TMPRSS15: variants seen among roughly 807,000 people sequenced by gnomAD.
TMPRSS15 encodes transmembrane serine protease 15, also known as enteropeptidase.
TMPRSS15 carries 128 observed loss-of-function variants against 125.3 expected under a neutral mutation model. That is an observed-to-expected ratio of 1.02 (90% CI 0.89 to 1.18). The LOEUF (loss-of-function observed/expected upper bound fraction) is 1.18, where lower values mean the gene tolerates loss of function less well. Among genes scored for constraint, TMPRSS15 ranks in the 50% most tolerant of loss-of-function variants. TMPRSS15 has a pLI of 0.00. For missense variants in TMPRSS15, 1,283 were observed against 1,212.7 expected (o/e 1.06, Z -0.86); for synonymous variants, 446 against 423.2 (o/e 1.05, Z -0.66).
rs181812212 is a variant in TMPRSS15 at position 18,280,720 on chromosome 21, C to T, written c.2668+320G>A. Among the ~76,000 whole-genome samples, 6 of 152,096 alleles carry T rather than the reference C, an allele frequency of 3.9e-5. No individual in the cohort carries two copies. The East Asian group carries it at 1.2e-3, about 29-fold the overall frequency. On this transcript the variant is annotated intron_variant, in intron 22 of 24. Transcript: ENST00000284885. ...TCTGCTTTTTGGTAGATGAACCTAC[C>T]TTTCTTTTACATGAAAAATAGAGAG...
At chr21:18,309,102 A>C (rs2075067605) in intron 18 of TMPRSS15, among the ~76,000 whole-genome samples, 1 of 152,180 alleles carries the variant, frequency 6.6e-6, no homozygotes, top group South Asian at 2.1e-4. Flanking sequence ...CTTTGGGTAT[A>C]TACCCAGTAA....
intron 1 of TMPRSS15, among the ~76,000 whole-genome samples, chr21:18,473,243 TG>T (rs1978814584): frequency 6.6e-6 from 1 of 152,104 alleles, no homozygotes; most frequent in Admixed American, 6.6e-5. Context: ...GGGAGGTCAT[TG>T]GCCAAAGGGA....
At chr21:18,298,935 A>G (rs1375153353) in intron 18 of TMPRSS15, among the ~76,000 whole-genome samples, 1 of 152,216 alleles carries the variant, frequency 6.6e-6, no homozygotes, top group Non-Finnish European at 1.5e-5. Context: ...CTCTCTTTTA[A>G]TGTTTTCATC....
At chr21:18,357,607 G>T (rs542275592) in intron 8 of TMPRSS15, among the ~76,000 whole-genome samples, 40 of 151,850 alleles carry the variant, frequency 2.6e-4, no homozygotes, top group African/African-American at 9.4e-4. Context: ...AACCTTGTAA[G>T]CATCTTTCAC....
chr21:18,444,894 C>G (rs1033063892), intron 1 of TMPRSS15, among the ~76,000 whole-genome samples: 1 of 152,174 alleles, frequency 6.6e-6, no homozygotes, highest in Non-Finnish European at 1.5e-5. Flanking sequence ...CTATTCTACT[C>G]TCTCCCTCCA....
chr21:18,436,278 A>G (rs954597126), intron 1 of TMPRSS15, among the ~76,000 whole-genome samples: 2 of 151,652 alleles, frequency 1.3e-5, no homozygotes, highest in African/African-American at 2.4e-5. Flanking sequence ...TAGTGCTATA[A>G]ATTTCCCTCT....
At chr21:18,339,689 GT>G (rs10716082) in intron 13 of TMPRSS15, among the ~76,000 whole-genome samples, 13,836 of 151,732 alleles carry the variant, frequency 0.091, 761 homozygotes, top group South Asian at 0.18. Context: ...AAAAAGCATT[GT>G]TTTTTTTGCA....
intron 14 of TMPRSS15, among the ~76,000 whole-genome samples, chr21:18,331,526 G>C (rs2075345549): frequency 6.6e-6 from 1 of 152,146 alleles, no homozygotes; most frequent in African/African-American, 2.4e-5. Flanking sequence ...ATTTTCTCTA[G>C]ACAAATTTTT....
chr21:18,466,054 C>A (rs932090907), intron 1 of TMPRSS15, among the ~76,000 whole-genome samples: 2 of 152,018 alleles, frequency 1.3e-5, no homozygotes, highest in Non-Finnish European at 2.9e-5. Context: ...GTACTGGTAC[C>A]AAAACAGATA....
chr21:18,343,460 C>T (rs755060748), intron 12 of TMPRSS15, 46 bp downstream of exon 12: 54 of 1,489,668 alleles, frequency 3.6e-5, no homozygotes, highest in South Asian at 1.1e-4. Context: ...ATAATTGTTC[C>T]ACCACAAAAA....
intron 14 of TMPRSS15, among the ~76,000 whole-genome samples, chr21:18,329,996 G>A (rs1162772057): frequency 2.0e-5 from 3 of 151,700 alleles, no homozygotes; most frequent in Non-Finnish European, 1.5e-5. Flanking sequence ...ACTGTATATG[G>A]CTGTACATAT....
chr21:18,343,495 A>G lies in TMPRSS15; in HGVS notation c.1428+11T>C. ...AGGATACAAATATAAATAATAAAGTATTTTGCAAACCTTAAATTTAACTGT... is the reference window on the plus strand; with the variant it reads ...AGGATACAAATATAAATAATAAAGTGTTTTGCAAACCTTAAATTTAACTGT... On this transcript the variant is annotated intron_variant, in intron 12 of 24. Coordinates refer to ENST00000284885, the MANE Select transcript of TMPRSS15 (RefSeq NM_002772.3). The G allele has an allele frequency of 6.3e-7, 1 of 1,592,912 alleles. No homozygotes were observed. Among genetic ancestry groups the G allele is most frequent in the Non-Finnish European group, 8.6e-7 (1 of 1,161,918 alleles).
intron 1 of TMPRSS15, among the ~76,000 whole-genome samples, chr21:18,435,564 T>C (rs2076225973): frequency 6.6e-6 from 1 of 152,206 alleles, no homozygotes; most frequent in Non-Finnish European, 1.5e-5. Context: ...TGCATCAATG[T>C]TCATCAAGGA....
At chr21:18,406,814 A>G (rs1477418025), upstream of TMPRSS15, among the ~76,000 whole-genome samples, 1 of 152,174 alleles carries the variant, frequency 6.6e-6, no homozygotes, top group African/African-American at 2.4e-5. Context: ...CAAGTAGACA[A>G]TGAGATAACA....
chr21:18,425,425 A>G (rs2076200610), intron 1 of TMPRSS15, among the ~76,000 whole-genome samples: 1 of 152,126 alleles, frequency 6.6e-6, no homozygotes, highest in African/African-American at 2.4e-5. Flanking sequence ...TCAATAATTA[A>G]TAATAACCCA....
chr21:18,280,444 C>T (rs1456088346), intron 22 of TMPRSS15, among the ~76,000 whole-genome samples: 1 of 151,822 alleles, frequency 6.6e-6, no homozygotes, highest in Non-Finnish European at 1.5e-5. Flanking sequence ...AGCTGGGCAT[C>T]ATGGCATGCA....
intron 1 of TMPRSS15, among the ~76,000 whole-genome samples, chr21:18,466,422 T>G (rs1243781842): frequency 1.3e-5 from 2 of 151,702 alleles, no homozygotes; most frequent in African/African-American, 4.9e-5. Context: ...GGGATCTAAT[T>G]AAACTAAACA....
intron 19 of TMPRSS15, among the ~76,000 whole-genome samples, chr21:18,296,129 G>A (rs1341210339): frequency 1.3e-5 from 2 of 152,070 alleles, no homozygotes. Context: ...CTCCAGCCTG[G>A]GCAACAGAGC....
At chr21:18,428,588 G>A (rs560152810) in intron 1 of TMPRSS15, among the ~76,000 whole-genome samples, 4 of 152,276 alleles carry the variant, frequency 2.6e-5, no homozygotes, top group African/African-American at 9.6e-5. Flanking sequence ...GCTGAAAGGG[G>A]CCAATGTAGA....
Sources: allele counts gnomAD v4.1 joint callset (sites outside exome capture counted in the v4.1 genomes callset), GRCh38; gene constraint gnomAD v4.1.1; transcripts MANE v1.5; gene names NCBI Gene and HGNC (gene_info 2026-07-23, HGNC 2026-07-21).